Variants in TXK observed in about 807,000 individuals in gnomAD.
TXK encodes TXK tyrosine kinase.
TXK carries 60 observed loss-of-function variants against 81.0 expected under a neutral mutation model. The observed-to-expected ratio is 0.74, with a 90% CI of 0.60 to 0.92. The LOEUF (loss-of-function observed/expected upper bound fraction) is 0.92. Among genes scored for constraint, TXK ranks in the 40% least tolerant of loss-of-function variants. The pLI is 0.00. For synonymous variants in TXK, 203 were observed against 210.7 expected (o/e 0.96, Z 0.32); for missense variants, 581 against 638.3 (o/e 0.91, Z 0.97).
chr4:48,076,491 A>G, intron 11 of TXK, 25 bp from the exon 12 acceptor site: 1 of 1,595,992 alleles, frequency 6.3e-7, no homozygotes, highest in Non-Finnish European at 8.6e-7. Context: ...AAAGAATCCA[A>G]GTTTGAATAC....
intron 1 of TXK, among the ~76,000 whole-genome samples, chr4:48,119,947 T>C (rs1412692056): frequency 6.6e-6 from 1 of 152,088 alleles, no homozygotes; most frequent in Non-Finnish European, 1.5e-5. Context: ...TAGGTCAGAA[T>C]AGAGTGTAGA....
chr4:48,082,412 T>C (rs187912370), intron 10 of TXK, among the ~76,000 whole-genome samples: 190 of 152,334 alleles, frequency 1.2e-3, no homozygotes, highest in African/African-American at 4.2e-3. Flanking sequence ...TTCATCTGCA[T>C]AATAAACACA....
intron 3 of TXK, 48 bp from the exon 4 acceptor site, chr4:48,112,560 G>T: frequency 3.9e-6 from 6 of 1,532,656 alleles, no homozygotes; most frequent in South Asian, 1.3e-5. Context: ...TTAATAATTT[G>T]TACTAAAAAA....
chr4:48,083,171 G>T (rs570909261), intron 10 of TXK, among the ~76,000 whole-genome samples: 20 of 152,310 alleles, frequency 1.3e-4, no homozygotes, highest in African/African-American at 4.8e-4. Flanking sequence ...GGGAGTTGCA[G>T]ACACCCACCC....
At chr4:48,109,621 TG>T (rs1345913157) in intron 5 of TXK, among the ~76,000 whole-genome samples, 3 of 152,184 alleles carry the variant, frequency 2.0e-5, no homozygotes, top group Non-Finnish European at 4.4e-5. Context: ...CATAGAGTAA[TG>T]TAGATGAGTC....
intron 13 of TXK, 45 bp downstream of exon 13, chr4:48,073,890 T>C: frequency 2.3e-6 from 3 of 1,285,812 alleles, no homozygotes; most frequent in Non-Finnish European, 3.3e-6. Flanking sequence ...ACATTGCCCA[T>C]TTTATTAAAT....
rs1188768373 is a variant in TXK at position 48,120,173 on chromosome 4, G to GTA, written c.17-5773_17-5772dup. 3.2e-5 allele frequency among the ~76,000 whole-genome samples: 3 copies of GTA among 92,888 alleles called. No homozygotes were observed. The South Asian group carries it at 8.3e-4, about 26-fold the overall frequency. 60.9% of individuals were successfully genotyped at this position (92,888 alleles called of 152,430 possible). ...TATATATGCATATATATGTATATAC[G>GTA]TATATGTGTATATATACATACACAC... On this transcript the variant is annotated intron_variant, in intron 1 of 14. Transcript: ENST00000264316.
chr4:48,107,650 C>G (rs1467245940), intron 5 of TXK, among the ~76,000 whole-genome samples: 1 of 152,042 alleles, frequency 6.6e-6, no homozygotes, highest in East Asian at 1.9e-4. Context: ...ATCAACTCAT[C>G]GCCTAGGATT....
intron 1 of TXK, among the ~76,000 whole-genome samples, chr4:48,122,304 CGCAATG>C (rs1443280576): frequency 1.3e-5 from 2 of 152,202 alleles, no homozygotes; most frequent in South Asian, 4.1e-4. Flanking sequence ...TCAGCCACAC[CGCAATG>C]CTGCTGCTGG....
rs1450927826 is a variant in TXK at position 48,076,413 on chromosome 4, A to G, written c.1227T>C (p.Phe409=). The G allele has an allele frequency of 1.9e-6, 3 of 1,611,950 alleles. No homozygotes were observed. The highest frequency in any genetic ancestry group is 1.7e-6 in the Non-Finnish European group (2 of 1,178,948). ...TACATAGCATGTACCTTGTCATTCC[A>G]AAGTCTGAAATTTTTACTATGCATG... ...SSTCIVKISD[F]GMTRYVLDDE... is the part of the protein sequence containing the mutation. Residue 409 remains phenylalanine, a synonymous_variant, in exon 12 of 15, where the codon TTT becomes TTC. Coordinates refer to ENST00000264316, the MANE Select transcript of TXK (RefSeq NM_003328.3).
intron 1 of TXK, among the ~76,000 whole-genome samples, chr4:48,126,303 T>G (rs902909032): frequency 6.6e-6 from 1 of 152,262 alleles, no homozygotes; most frequent in Admixed American, 6.5e-5. Flanking sequence ...TTTCTCTTCC[T>G]TATGACTTTC....
At chr4:48,131,257 T>G (rs1391874632) in intron 1 of TXK, among the ~76,000 whole-genome samples, 1 of 152,056 alleles carries the variant, frequency 6.6e-6, no homozygotes. Context: ...AAGCCAGGAT[T>G]CTATGACAAT....
At chr4:48,126,391 T>G (rs571467930) in intron 1 of TXK, among the ~76,000 whole-genome samples, 1 of 152,238 alleles carries the variant, frequency 6.6e-6, no homozygotes, top group African/African-American at 2.4e-5. Flanking sequence ...AAATACGTGT[T>G]GATCAACATT....
chr4:48,100,232 T>C (rs897541081), intron 6 of TXK, among the ~76,000 whole-genome samples: 3 of 134,240 alleles, frequency 2.2e-5, no homozygotes, highest in African/African-American at 8.3e-5. Flanking sequence ...TCAAGAAACA[T>C]GAGAATTTTA....
chr4:48,110,516 T>A, intron 5 of TXK, 22 bp downstream of exon 5: 1 of 1,564,894 alleles, frequency 6.4e-7, no homozygotes, highest in South Asian at 1.1e-5. Flanking sequence ...TTTTCATAGG[T>A]TATATTTTGG....
chr4:48,122,116 C>T (rs1718977374), intron 1 of TXK, among the ~76,000 whole-genome samples: 2 of 152,146 alleles, frequency 1.3e-5, no homozygotes, highest in Non-Finnish European at 2.9e-5. Flanking sequence ...GCACAGCAGC[C>T]AGAGTAATTA....
Position 48,066,574 on chromosome 4 carries a change from T to G in TXK, c.*1063A>C, listed in dbSNP as rs1037350951. ...ACAGGGTGGGACAGTACGCAAATAA[T>G]GGGCTCCTGTTGTCAGACTTCATGG... On this transcript the variant is annotated 3_prime_UTR_variant, in exon 15 of 15. Transcript: ENST00000264316. 5 of 152,218 alleles carry G rather than the reference T, an allele frequency of 3.3e-5. No individual in the cohort carries two copies. The highest frequency in any genetic ancestry group is 1.2e-4 in the African/African-American group (5 of 41,464). The allele number at this position is 152,218 out of a possible 1,614,324, so 9.4% of individuals were successfully genotyped here. A position where few individuals can be genotyped will look rare whatever the true frequency, so the allele number is the denominator to read the frequency against.
chr4:48,090,691 C>T (rs550944256), intron 8 of TXK, among the ~76,000 whole-genome samples: 12 of 152,166 alleles, frequency 7.9e-5, no homozygotes, highest in South Asian at 2.1e-4. Context: ...ACTGATGATT[C>T]GGTCTTGCTC....
intron 6 of TXK, among the ~76,000 whole-genome samples, chr4:48,096,625 G>A (rs1270410166): frequency 1.3e-5 from 2 of 152,036 alleles, no homozygotes; most frequent in East Asian, 1.9e-4. Context: ...GGTTCAAGCC[G>A]TTCTCCTTTT....
Sources: allele counts gnomAD v4.1 joint callset (sites outside exome capture counted in the v4.1 genomes callset), GRCh38; gene constraint gnomAD v4.1.1; transcripts MANE v1.5; gene names NCBI Gene and HGNC (gene_info 2026-07-23, HGNC 2026-07-21).